Variants in RALA observed in about 807,000 individuals in gnomAD.
RALA encodes the protein ras-related protein Ral-A.
Under a neutral mutation model 24.0 loss-of-function variants are expected in RALA, and 5 were observed. The ratio of observed to expected loss-of-function variants is 0.21; its 90% CI spans 0.11 to 0.44. The LOEUF is 0.44. Among genes scored for constraint, RALA ranks in the 20% least tolerant of loss-of-function variants. The pLI, the probability that RALA is intolerant of heterozygous loss-of-function variation, is 0.99. For missense variants in RALA, 95 were observed against 241.2 expected (o/e 0.39, Z 4.01); for synonymous variants, 77 against 83.8 (o/e 0.92, Z 0.44).
intron 4 of RALA, among the ~76,000 whole-genome samples, chr7:39,705,816 T>A (rs184188716): frequency 1.7e-3 from 257 of 152,132 alleles, no homozygotes; most frequent in African/African-American, 5.8e-3. Flanking sequence ...GTTCTATCTT[T>A]GGGTCTGTCA....
At chr7:39,625,822 G>A (rs905240379) in intron 1 of RALA, among the ~76,000 whole-genome samples, 1 of 152,234 alleles carries the variant, frequency 6.6e-6, no homozygotes, top group African/African-American at 2.4e-5. Context: ...TAAGAAGAAA[G>A]TGCTGACGTT....
At chr7:39,641,623 A>T (rs1791819128) in intron 1 of RALA, among the ~76,000 whole-genome samples, 1 of 152,212 alleles carries the variant, frequency 6.6e-6, no homozygotes, top group South Asian at 2.1e-4. Context: ...AAGCTCTGTC[A>T]GTGTCCATAT....
chr7:39,655,669 AATTG>A (rs747764943), intron 1 of RALA, among the ~76,000 whole-genome samples: 1 of 152,132 alleles, frequency 6.6e-6, no homozygotes, highest in East Asian at 1.9e-4. Context: ...TTTGGAAAAT[AATTG>A]ATTGTTGTAA....
At chr7:39,679,253 C>T (rs1029728420) in intron 1 of RALA, among the ~76,000 whole-genome samples, 11 of 151,860 alleles carry the variant, frequency 7.2e-5, no homozygotes, top group Admixed American at 1.3e-4. Flanking sequence ...TGTAAAGGGC[C>T]GACAGAAAAT....
intron 1 of RALA, among the ~76,000 whole-genome samples, chr7:39,633,682 G>T (rs1054835547): frequency 6.6e-6 from 1 of 152,198 alleles, no homozygotes; most frequent in Non-Finnish European, 1.5e-5. Context: ...TAATCCTAGA[G>T]TACATATCTG....
intron 2 of RALA, among the ~76,000 whole-genome samples, chr7:39,687,896 T>A (rs111394296): frequency 2.7e-4 from 41 of 152,322 alleles, no homozygotes; most frequent in African/African-American, 9.6e-4. Flanking sequence ...ACTAAAAATA[T>A]CCCTACAGAT....
intron 4 of RALA, among the ~76,000 whole-genome samples, chr7:39,699,121 ATTTTTTTTT>A (rs71560137): frequency 1.9e-3 from 114 of 61,356 alleles, no homozygotes; most frequent in African/African-American, 4.8e-3. Flanking sequence ...TAAAAATGTT[ATTTTTTTTT>A]TTTTTTTTTT....
rs878974141 is a variant in RALA at position 39,662,570 on chromosome 7, T to G, written c.-37-24061T>G. The stretch of plus-strand genomic sequence containing the variant: ...TCAGGGGCAAAATTCTCAGTCTCTT[T>G]GCTAAAACATAGCAAGAGTCACCTT... On this transcript the variant is annotated intron_variant, in intron 1 of 4. Transcript: ENST00000005257. Among the ~76,000 whole-genome samples the G allele has an allele frequency of 5.3e-5, 8 of 152,200 alleles. No individual in the cohort carries two copies. In the East Asian group the frequency reaches 1.2e-3, roughly 22 times the overall value.
chr7:39,694,357 G>A (rs1021761784), intron 3 of RALA, among the ~76,000 whole-genome samples: 2 of 152,196 alleles, frequency 1.3e-5, no homozygotes, highest in African/African-American at 4.8e-5. Context: ...GTGCAGTCAG[G>A]AATAGCATAG....
chr7:39,695,145 C>A (rs1208964325), intron 3 of RALA, among the ~76,000 whole-genome samples: 1 of 151,550 alleles, frequency 6.6e-6, no homozygotes, highest in African/African-American at 2.4e-5. Flanking sequence ...TTCTCATTTT[C>A]TCTTATTCTA....
chr7:39,649,322 A>C (rs1037519403), intron 1 of RALA, among the ~76,000 whole-genome samples: 1 of 152,200 alleles, frequency 6.6e-6, no homozygotes, highest in Non-Finnish European at 1.5e-5. Context: ...TGTCATCCCC[A>C]TATAGATGCT....
chr7:39,696,703 A>C lies in RALA; in HGVS notation c.342A>C (p.Val114=). Residue 114 remains valine (V), a synonymous_variant, in exon 4 of 5, where the codon GTA becomes GTC. Coordinates refer to ENST00000005257, the MANE Select transcript of RALA (RefSeq NM_005402.4). ...TADFREQILR[V]KEDENVPFLL... ...TATCCAGGGAGCAGATTTTAAGAGTAAAAGAAGATGAGAATGTTCCATTTC... is the reference window on the plus strand; with the variant it reads ...TATCCAGGGAGCAGATTTTAAGAGTCAAAGAAGATGAGAATGTTCCATTTC... 6.2e-7 allele frequency: 1 copy of C among 1,603,734 alleles called. No homozygotes were observed. Among genetic ancestry groups the C allele is most frequent in the Non-Finnish European group, 8.5e-7 (1 of 1,173,850 alleles).
chr7:39,644,648 T>C (rs1278646882), intron 1 of RALA, among the ~76,000 whole-genome samples: 1 of 152,226 alleles, frequency 6.6e-6, no homozygotes, highest in African/African-American at 2.4e-5. Context: ...GTTCATTTGG[T>C]TACTATTTTG....
intron 1 of RALA, among the ~76,000 whole-genome samples, chr7:39,671,884 T>TG (rs1792396003): frequency 6.6e-6 from 1 of 152,212 alleles, no homozygotes. Flanking sequence ...CTTTGAATGT[T>TG]GTTCCTACCG....
chr7:39,648,195 C>A (rs11979241), intron 1 of RALA, among the ~76,000 whole-genome samples: 2,265 of 152,240 alleles, frequency 0.015, 38 homozygotes, highest in African/African-American at 0.05. Flanking sequence ...TCTCATTTTA[C>A]ATATCTGAAA....
chr7:39,659,317 T>C (rs1792146586), intron 1 of RALA, among the ~76,000 whole-genome samples: 1 of 152,134 alleles, frequency 6.6e-6, no homozygotes, highest in East Asian at 1.9e-4. Flanking sequence ...AAATCTTAAA[T>C]TTAGATTTTT....
chr7:39,651,745 T>A (rs149793342), intron 1 of RALA, among the ~76,000 whole-genome samples: 13 of 152,316 alleles, frequency 8.5e-5, no homozygotes, highest in Non-Finnish European at 1.8e-4. Context: ...GTAATACATA[T>A]CTGTTCAAAA....
intron 2 of RALA, among the ~76,000 whole-genome samples, chr7:39,690,092 A>C (rs892100725): frequency 6.6e-6 from 1 of 152,200 alleles, no homozygotes; most frequent in African/African-American, 2.4e-5. Flanking sequence ...ATTTGGTAAA[A>C]TATATGTGTA....
intron 3 of RALA, 98 bp downstream of exon 3, chr7:39,690,688 T>C: frequency 1.1e-6 from 1 of 910,680 alleles, no homozygotes. Flanking sequence ...TGTTAGTCTT[T>C]TACTCTGTCT....
Sources: allele counts gnomAD v4.1 joint callset (sites outside exome capture counted in the v4.1 genomes callset), GRCh38; gene constraint gnomAD v4.1.1; transcripts MANE v1.5; gene names NCBI Gene and HGNC (gene_info 2026-07-23, HGNC 2026-07-21).